Variants in ARMH3 observed in about 807,000 individuals in gnomAD.
The protein encoded by ARMH3 is armadillo-like helical domain-containing protein 3.
Under a neutral mutation model 99.1 loss-of-function variants are expected in ARMH3, and 60 were observed. The ratio of observed to expected loss-of-function variants is 0.61; its 90% CI spans 0.49 to 0.75. The LOEUF (loss-of-function observed/expected upper bound fraction) is 0.75. ARMH3 is among the 30% of genes least tolerant of loss of function. The probability of loss-of-function intolerance (pLI) is 0.00; values close to 1 mark genes in which losing one functional copy is unlikely to be tolerated. For missense variants in ARMH3, 679 were observed against 843.1 expected, an observed-to-expected ratio of 0.81 and a Z score of 2.41; for synonymous variants, 285 against 292.8, an observed-to-expected ratio of 0.97 and a Z score of 0.27.
intron 19 of ARMH3, among the ~76,000 whole-genome samples, chr10:101,986,825 T>C (rs989440804): frequency 2.6e-5 from 4 of 151,862 alleles, no homozygotes; most frequent in African/African-American, 9.7e-5. Flanking sequence ...TGCCCAGGGG[T>C]AGTAATGAAG....
intron 21 of ARMH3, among the ~76,000 whole-genome samples, 153 bp downstream of exon 21, chr10:101,957,497 G>C (rs1845092820): frequency 6.6e-6 from 1 of 152,086 alleles, no homozygotes; most frequent in Admixed American, 6.6e-5. Flanking sequence ...GGTGAGAGTG[G>C]GGACCACCAG....
intron 20 of ARMH3, 100 bp from the exon 21 acceptor site, chr10:101,957,832 A>G: frequency 6.9e-7 from 1 of 1,447,482 alleles, no homozygotes; most frequent in South Asian, 1.4e-5. Context: ...AGAAGGTTAG[A>G]GTGAGTAAGT....
At chr10:101,898,816 A>C (rs897074027) in intron 23 of ARMH3, among the ~76,000 whole-genome samples, 1 of 152,250 alleles carries the variant, frequency 6.6e-6, no homozygotes, top group African/African-American at 2.4e-5. Flanking sequence ...AAGCTTAGTA[A>C]AAAATTTGGA....
intron 8 of ARMH3, among the ~76,000 whole-genome samples, chr10:102,018,349 A>T (rs1180174162): frequency 6.6e-6 from 1 of 152,216 alleles, no homozygotes; most frequent in Non-Finnish European, 1.5e-5. Context: ...TCCAGAACTC[A>T]TATGAATAAG....
intron 23 of ARMH3, among the ~76,000 whole-genome samples, chr10:101,909,797 C>T (rs1590002761): frequency 6.6e-6 from 1 of 152,094 alleles, no homozygotes; most frequent in East Asian, 1.9e-4. Flanking sequence ...ACATTGCATG[C>T]CTGTATCAAA....
intron 2 of ARMH3, among the ~76,000 whole-genome samples, chr10:102,035,066 A>T (rs2067219446): frequency 1.3e-5 from 2 of 152,082 alleles, no homozygotes; most frequent in South Asian, 4.1e-4. Context: ...GTGAAACCCC[A>T]TCTCTACTGA....
intron 24 of ARMH3, among the ~76,000 whole-genome samples, chr10:101,869,981 A>C (rs2067096343): frequency 6.6e-6 from 1 of 152,186 alleles, no homozygotes; most frequent in Non-Finnish European, 1.5e-5. Context: ...TGCAGTGAGC[A>C]GAGATTGCGC....
chr10:101,976,708 G>T (rs1360353597), intron 19 of ARMH3, among the ~76,000 whole-genome samples: 1 of 151,986 alleles, frequency 6.6e-6, no homozygotes, highest in African/African-American at 2.4e-5. Flanking sequence ...TATAATTTAA[G>T]ATACCAGTCT....
At chr10:101,949,308 G>A (rs560584325) in intron 22 of ARMH3, among the ~76,000 whole-genome samples, 2 of 151,116 alleles carry the variant, frequency 1.3e-5, no homozygotes, top group South Asian at 2.1e-4. Context: ...TCTCTGAGGA[G>A]GGGAAATCAA....
chr10:101,950,707 C>T (rs1024157015), intron 22 of ARMH3, among the ~76,000 whole-genome samples: 2 of 152,206 alleles, frequency 1.3e-5, no homozygotes, highest in African/African-American at 2.4e-5. Context: ...CAAGAGACCA[C>T]ATATTGTATG....
At chr10:101,947,365 T>G (rs1252750478) in intron 22 of ARMH3, among the ~76,000 whole-genome samples, 2 of 152,050 alleles carry the variant, frequency 1.3e-5, no homozygotes, top group African/African-American at 4.8e-5. Context: ...CTGGGTGCAG[T>G]GGCTCACACC....
chr10:101,964,815 G>A (rs577913953), intron 20 of ARMH3, among the ~76,000 whole-genome samples: 24 of 149,400 alleles, frequency 1.6e-4, no homozygotes, highest in African/African-American at 5.9e-4. Context: ...TTCAAGACCA[G>A]CCTGTAACAT....
intron 24 of ARMH3, among the ~76,000 whole-genome samples, chr10:101,852,291 T>C (rs935117673): frequency 1.3e-5 from 2 of 152,272 alleles, no homozygotes; most frequent in Admixed American, 6.5e-5. Flanking sequence ...GCTGCTTTGA[T>C]CACCTGGACT....
At chr10:101,931,677 G>A (rs560571256) in intron 23 of ARMH3, among the ~76,000 whole-genome samples, 29 of 152,204 alleles carry the variant, frequency 1.9e-4, no homozygotes, top group African/African-American at 7.0e-4. Context: ...TTGCTACTAG[G>A]GAGGCTGAGG....
chr10:101,902,776 G>A (rs2068011708), intron 23 of ARMH3, among the ~76,000 whole-genome samples: 1 of 152,024 alleles, frequency 6.6e-6, no homozygotes. Context: ...GGACTTAATG[G>A]GAGGATAAAT....
chr10:102,008,347 A>T (rs929944622), intron 13 of ARMH3, among the ~76,000 whole-genome samples: 1 of 152,146 alleles, frequency 6.6e-6, no homozygotes, highest in Admixed American at 6.5e-5. Flanking sequence ...CTACATACAT[A>T]TTTTAAACAG....
rs745671357 is a variant in ARMH3, at chr10:102,029,543, A to C, written c.414+95T>G. 24 of 1,611,958 alleles carry C rather than the reference A, an allele frequency of 1.5e-5. No individual in the cohort carries two copies. The African/African-American group carries it at 2.7e-4, about 18-fold the overall frequency. On this transcript the variant is annotated intron_variant, in intron 5 of 25. Transcript: ENST00000370033. Reference sequence around the variant, plus strand: ...AAATTCAATCATCTGTATCTTTCTGAGTCCAAATCTTTGAGTACATTTGTC... The same window carrying C: ...AAATTCAATCATCTGTATCTTTCTGCGTCCAAATCTTTGAGTACATTTGTC...
intron 24 of ARMH3, among the ~76,000 whole-genome samples, chr10:101,869,451 A>T (rs575231363): frequency 6.6e-6 from 1 of 152,370 alleles, no homozygotes; most frequent in South Asian, 2.1e-4. Context: ...GCAATTAGTA[A>T]CAAAAATATA....
intron 20 of ARMH3, among the ~76,000 whole-genome samples, chr10:101,974,224 T>A (rs1243516681): frequency 6.6e-6 from 1 of 152,178 alleles, no homozygotes; most frequent in African/African-American, 2.4e-5. Context: ...TACTTCCCAT[T>A]ATGGAGGACT....
Sources: allele counts gnomAD v4.1 joint callset (sites outside exome capture counted in the v4.1 genomes callset), GRCh38; gene constraint gnomAD v4.1.1; transcripts MANE v1.5; gene names NCBI Gene and HGNC (gene_info 2026-07-23, HGNC 2026-07-21).